Variants in CMTM4 observed in about 807,000 individuals in gnomAD.
CMTM4 encodes the protein CKLF-like MARVEL transmembrane domain-containing protein 4.
A neutral mutation model predicts 19.0 loss-of-function variants in CMTM4; 8 were observed. The ratio of observed to expected loss-of-function variants is 0.42; its 90% confidence interval spans 0.25 to 0.76. The LOEUF is 0.76. CMTM4 is among the 30% of genes least tolerant of loss of function. The pLI is 0.27. For synonymous variants in CMTM4, 106 were observed against 121.1 expected, an observed-to-expected ratio of 0.88 and a Z score of 0.82; for missense variants, 228 against 290.2, an observed-to-expected ratio of 0.79 and a Z score of 1.56.
intron 1 of CMTM4, among the ~76,000 whole-genome samples, chr16:66,692,569 T>C (rs571226003): frequency 4.1e-4 from 63 of 152,310 alleles, no homozygotes; most frequent in Non-Finnish European, 7.1e-4. Flanking sequence ...AAACTTGGAA[T>C]AGCAAGGATC....
At chr16:66,687,580 G>A (rs1039945592) in intron 1 of CMTM4, among the ~76,000 whole-genome samples, 7 of 152,028 alleles carry the variant, frequency 4.6e-5, no homozygotes, top group South Asian at 4.1e-4. Context: ...CCTGGCCCTC[G>A]GCCACCCAGC....
intron 1 of CMTM4, among the ~76,000 whole-genome samples, chr16:66,644,736 C>T (rs749132208): frequency 5.9e-5 from 9 of 152,326 alleles, no homozygotes; most frequent in Non-Finnish European, 1.0e-4. Flanking sequence ...CACCATGCTC[C>T]TTCCCTGCCA....
chr16:66,658,669 TC>T (rs2016446625), intron 1 of CMTM4, among the ~76,000 whole-genome samples: 1 of 152,100 alleles, frequency 6.6e-6, no homozygotes, highest in African/African-American at 2.4e-5. Flanking sequence ...TGAGGGGCTG[TC>T]CTGTGCATTG....
At chr16:66,692,524 C>T (rs968288525) in intron 1 of CMTM4, among the ~76,000 whole-genome samples, 1 of 152,242 alleles carries the variant, frequency 6.6e-6, no homozygotes, top group Non-Finnish European at 1.5e-5. Flanking sequence ...TTCTAACAAG[C>T]CCTTAGGTGA....
In CMTM4 at chr16:66,636,164, T is replaced by C. The variant is rs201474599; in HGVS notation, c.363+241A>G. 2.0e-5 allele frequency among the ~76,000 whole-genome samples: 3 copies of C among 152,250 alleles called. No homozygotes were observed. In the East Asian group the frequency reaches 5.8e-4, roughly 29 times the overall value. Reference sequence around the variant, plus strand: ...TTCTCAGATGATTGCAAAATTGAAATGACATCTTTAAGGTGGCCAAAATAA... The same window carrying C: ...TTCTCAGATGATTGCAAAATTGAAACGACATCTTTAAGGTGGCCAAAATAA... On this transcript the variant is annotated intron_variant, in intron 2 of 3. Transcript: ENST00000394106.
chr16:66,691,338 T>C (rs933293588), intron 1 of CMTM4, among the ~76,000 whole-genome samples: 5 of 151,974 alleles, frequency 3.3e-5, no homozygotes, highest in African/African-American at 9.7e-5. Flanking sequence ...AGGAAGAAGA[T>C]AATTTAAATC....
At chr16:66,606,759 G>A in the CMTM4 span, among the ~76,000 whole-genome samples, 7 of 152,300 alleles carry the variant, frequency 4.6e-5, no homozygotes, top group Admixed American at 2.6e-4. Context: ...TTAGGAGGCC[G>A]AGGTGGGTGG....
intron 1 of CMTM4, among the ~76,000 whole-genome samples, chr16:66,680,563 A>G (rs1192269160): frequency 6.6e-6 from 1 of 151,758 alleles, no homozygotes; most frequent in East Asian, 1.9e-4. Context: ...TCACGAGGTC[A>G]GGAGATCGAG....
At chr16:66,625,463 G>T (rs1242660708) in intron 2 of CMTM4, among the ~76,000 whole-genome samples, 1 of 150,692 alleles carries the variant, frequency 6.6e-6, no homozygotes, top group Non-Finnish European at 1.5e-5. Context: ...AAAGAAAAAA[G>T]AAAACAGTCA....
chr16:66,610,833 C>T (rs1422687545), downstream of CMTM4: 1 of 398,524 alleles, frequency 2.5e-6, no homozygotes, highest in African/African-American at 2.1e-5. This position sits in a 1 kb window ranked among gnomAD's most constrained non-coding sequence, Gnocchi z 4.6. Flanking sequence ...GCTTAAGAGC[C>T]ACTGGTTTCC....
chr16:66,604,613 G>A, the CMTM4 span: 8 of 387,304 alleles, frequency 2.1e-5, no homozygotes, highest in South Asian at 5.3e-4. Context: ...AGCATCCCCC[G>A]CAGCCGGGGT....
chr16:66,629,965 A>C (rs577153371), intron 2 of CMTM4, among the ~76,000 whole-genome samples: 1 of 152,168 alleles, frequency 6.6e-6, no homozygotes, highest in Non-Finnish European at 1.5e-5. Context: ...CGTTTAAAAC[A>C]TATCAGTAAT....
At chr16:66,693,978 T>C (rs1344090453) in intron 1 of CMTM4, among the ~76,000 whole-genome samples, 3 of 151,570 alleles carry the variant, frequency 2.0e-5, no homozygotes, top group African/African-American at 7.3e-5. Flanking sequence ...GCCAAGATTG[T>C]GCCACTGCAC....
chr16:66,636,852 C>T (rs117464239), intron 1 of CMTM4, among the ~76,000 whole-genome samples: 3,513 of 152,290 alleles, frequency 0.023, 60 homozygotes, highest in Non-Finnish European at 0.034. Flanking sequence ...ATGTGGCCCC[C>T]GGGTGTAAAC....
intron 1 of CMTM4, among the ~76,000 whole-genome samples, chr16:66,679,463 G>A (rs572886986): frequency 2.0e-5 from 3 of 152,128 alleles, no homozygotes; most frequent in Non-Finnish European, 4.4e-5. Flanking sequence ...TTCTCTTGAG[G>A]CTGGAGACCC....
intron 2 of CMTM4, among the ~76,000 whole-genome samples, chr16:66,624,887 AG>A (rs1260946077): frequency 6.6e-6 from 1 of 152,278 alleles, no homozygotes; most frequent in Non-Finnish European, 1.5e-5. Flanking sequence ...CGCATCTGCC[AG>A]CAGGATGGGT....
intron 1 of CMTM4, among the ~76,000 whole-genome samples, chr16:66,680,739 A>C (rs1874166295): frequency 7.5e-6 from 1 of 132,786 alleles, no homozygotes; most frequent in Non-Finnish European, 1.5e-5. Flanking sequence ...GTGCCACTGC[A>C]CTCCAGCCTG....
the CMTM4 span, among the ~76,000 whole-genome samples, chr16:66,602,885 A>G: frequency 1.3e-5 from 2 of 152,232 alleles, no homozygotes; most frequent in Admixed American, 1.3e-4. Context: ...CCGTTCACTC[A>G]GTAGTGAGCA....
rs2015589642 is a variant in CMTM4 at position 66,619,508 on chromosome 16, A to G, written c.*2550T>C. 1.0e-6 allele frequency: 1 copy of G among 985,478 alleles called. No individual in the cohort carries two copies. The highest frequency in any genetic ancestry group is 1.1e-4 in the East Asian group (1 of 8,822). 61.0% of individuals were successfully genotyped at this position (985,478 alleles called of 1,614,324 possible). The stretch of plus-strand genomic sequence containing the variant: ...ACTGATATTGGTCCCTATTGAAACT[A>G]TTAAACGCAAAAACGCTTCCTTCAA... On this transcript the variant is annotated 3_prime_UTR_variant, in exon 4 of 4. Coordinates refer to ENST00000394106, the MANE Select transcript of CMTM4 (RefSeq NM_181521.3).
Sources: allele counts gnomAD v4.1 joint callset (sites outside exome capture counted in the v4.1 genomes callset), GRCh38; gene constraint gnomAD v4.1.1; non-coding constraint Gnocchi (gnomAD v3.1); transcripts MANE v1.5; gene names NCBI Gene and HGNC (gene_info 2026-07-23, HGNC 2026-07-21).